ERBB4: variants seen among roughly 807,000 people sequenced by gnomAD.
ERBB4 encodes receptor tyrosine-protein kinase erbB-4.
A neutral mutation model predicts 158.0 loss-of-function variants in ERBB4; 42 were observed. The ratio of observed to expected loss-of-function variants is 0.27; its 90% CI spans 0.21 to 0.34. The LOEUF (loss-of-function observed/expected upper bound fraction) is 0.34. ERBB4 is among the 10% of genes least tolerant of loss of function. ERBB4 has a pLI of 1.00. For synonymous variants in ERBB4, 583 were observed against 558.7 expected (o/e 1.04, Z -0.61); for missense variants, 1,333 against 1,624.1 (o/e 0.82, Z 3.08).
chr2:212,332,235 G>T (rs1160494789), intron 1 of ERBB4, among the ~76,000 whole-genome samples: 1 of 151,980 alleles, frequency 6.6e-6, no homozygotes, highest in East Asian at 1.9e-4. Context: ...GGTTTTATAA[G>T]GGGGAAACCC....
chr2:211,443,894 CT>C (rs1270967427), intron 20 of ERBB4, among the ~76,000 whole-genome samples: 4 of 151,982 alleles, frequency 2.6e-5, no homozygotes, highest in Non-Finnish European at 4.4e-5. Flanking sequence ...GTATTATGTC[CT>C]TTGTCCAGCA....
At chr2:211,860,729 C>T in intron 3 of ERBB4, among the ~76,000 whole-genome samples, 1 of 150,974 alleles carries the variant, frequency 6.6e-6, no homozygotes, top group South Asian at 2.1e-4. Flanking sequence ...TTAGGAAATA[C>T]TTATGCAATG....
At chr2:212,454,332 A>G (rs1410683159) in intron 1 of ERBB4, among the ~76,000 whole-genome samples, 1 of 152,186 alleles carries the variant, frequency 6.6e-6, no homozygotes. Context: ...AATTTAAGAC[A>G]ATTTCTCTTT....
At chr2:211,708,151 A>G (rs562798063) in intron 9 of ERBB4, among the ~76,000 whole-genome samples, 4 of 152,156 alleles carry the variant, frequency 2.6e-5, no homozygotes, top group Non-Finnish European at 5.9e-5. Flanking sequence ...ACTTGTATCT[A>G]TACATATATA....
At chr2:211,776,433 C>T (rs893362402) in intron 4 of ERBB4, among the ~76,000 whole-genome samples, 2 of 152,084 alleles carry the variant, frequency 1.3e-5, no homozygotes, top group South Asian at 2.1e-4. Flanking sequence ...GAGCTGCATT[C>T]GTGTGTGCTT....
intron 1 of ERBB4, among the ~76,000 whole-genome samples, chr2:212,368,077 T>C (rs903399700): frequency 1.3e-5 from 2 of 152,116 alleles, no homozygotes; most frequent in East Asian, 1.9e-4. Context: ...AATCCCACTA[T>C]TGGATATCTA....
At position 212,140,411 on chromosome 2, in the gene ERBB4, T is replaced by A. The variant is rs556158688; in HGVS notation, c.83-15508A>T. Among the ~76,000 whole-genome samples the A allele has an allele frequency of 3.5e-5, 5 of 142,594 alleles. No individual in the cohort carries two copies. In the South Asian group the frequency reaches 1.1e-3, roughly 30 times the overall value. The allele number at this position is 142,594 out of a possible 152,430, so 93.5% of individuals were successfully genotyped here. ...TATCTATAGTAATATCTATATATAT[T>A]TATATATATGTTATATATATATACA... On this transcript the variant is annotated intron_variant, in intron 1 of 27. Transcript: ENST00000342788.
chr2:211,454,771 C>A (rs926398614), intron 20 of ERBB4, among the ~76,000 whole-genome samples: 1 of 152,162 alleles, frequency 6.6e-6, no homozygotes, highest in African/African-American at 2.4e-5. Context: ...CATGAGAGCT[C>A]CATTAGCCTT....
chr2:211,632,445 T>A (rs1331309183), intron 16 of ERBB4, among the ~76,000 whole-genome samples: 2 of 152,114 alleles, frequency 1.3e-5, no homozygotes, highest in Non-Finnish European at 1.5e-5. Flanking sequence ...AATATTTATG[T>A]ATAATTGAGA....
At chr2:211,424,958 G>A (rs937475410) in intron 22 of ERBB4, among the ~76,000 whole-genome samples, 1 of 152,096 alleles carries the variant, frequency 6.6e-6, no homozygotes, top group Non-Finnish European at 1.5e-5. Flanking sequence ...TAATAAAATG[G>A]CTTTCTTGAA....
intron 2 of ERBB4, among the ~76,000 whole-genome samples, chr2:211,968,111 A>C (rs1290670467): frequency 1.3e-5 from 2 of 152,050 alleles, no homozygotes; most frequent in Non-Finnish European, 2.9e-5. Flanking sequence ...AAACTTTTCA[A>C]ACTACTTTAA....
intron 25 of ERBB4, among the ~76,000 whole-genome samples, chr2:211,417,813 TTATGATA>T (rs2063426823): frequency 6.6e-6 from 1 of 152,148 alleles, no homozygotes; most frequent in Non-Finnish European, 1.5e-5. Flanking sequence ...GTGTGATTAT[TTATGATA>T]TATGATATTG....
At chr2:211,533,104 C>A (rs1369643410) in intron 20 of ERBB4, among the ~76,000 whole-genome samples, 1 of 151,384 alleles carries the variant, frequency 6.6e-6, no homozygotes, top group Non-Finnish European at 1.5e-5. Context: ...TTCCTTTTTT[C>A]ATTTTGTATG....
At chr2:212,527,563 C>G (rs1692517574) in intron 1 of ERBB4, among the ~76,000 whole-genome samples, 1 of 152,066 alleles carries the variant, frequency 6.6e-6, no homozygotes. Flanking sequence ...GTTTCTAAAA[C>G]AGCTTCAGCT....
chr2:211,950,279 G>T (rs1057361144), intron 2 of ERBB4, among the ~76,000 whole-genome samples: 6 of 152,090 alleles, frequency 3.9e-5, no homozygotes, highest in Admixed American at 2.6e-4. Flanking sequence ...ATGTCTGATG[G>T]GAAACTGTAC....
chr2:212,178,758 T>C (rs1222058102), intron 1 of ERBB4, among the ~76,000 whole-genome samples: 5 of 151,668 alleles, frequency 3.3e-5, no homozygotes, highest in Non-Finnish European at 5.9e-5. Context: ...TAAGAGCAGG[T>C]AATTTATATT....
intron 2 of ERBB4, among the ~76,000 whole-genome samples, chr2:211,963,593 A>G (rs1165299025): frequency 6.6e-6 from 1 of 152,104 alleles, no homozygotes; most frequent in African/African-American, 2.4e-5. Flanking sequence ...ATATCTATTT[A>G]TAAGGGTAAA....
At chr2:212,294,915 A>C (rs2086354011) in intron 1 of ERBB4, among the ~76,000 whole-genome samples, 2 of 152,080 alleles carry the variant, frequency 1.3e-5, no homozygotes, top group Non-Finnish European at 1.5e-5. Flanking sequence ...GTTCACTTCC[A>C]TATGCCCTGA....
chr2:211,523,980 T>C (rs536877994), intron 20 of ERBB4, among the ~76,000 whole-genome samples: 1 of 152,130 alleles, frequency 6.6e-6, no homozygotes, highest in African/African-American at 2.4e-5. Context: ...AGATACAGAA[T>C]GTTGACACAA....
Sources: allele counts gnomAD v4.1 joint callset (sites outside exome capture counted in the v4.1 genomes callset), GRCh38; gene constraint gnomAD v4.1.1; transcripts MANE v1.5; gene names NCBI Gene and HGNC (gene_info 2026-07-23, HGNC 2026-07-21).